ATF6: variants seen among roughly 807,000 people sequenced by gnomAD.
The protein encoded by ATF6 is activating transcription factor 6.
Under a neutral mutation model 83.6 loss-of-function variants are expected in ATF6, and 53 were observed. That is an observed-to-expected ratio of 0.63 (90% confidence interval 0.51 to 0.80). The LOEUF (loss-of-function observed/expected upper bound fraction) is 0.80. Ranked by LOEUF, ATF6 falls within the 30% of genes least tolerant of loss-of-function variation. ATF6 has a pLI of 0.00. For synonymous variants in ATF6, 288 were observed against 285.8 expected (o/e 1.01, Z -0.08); for missense variants, 744 against 797.9 (o/e 0.93, Z 0.81).
intron 15 of ATF6, among the ~76,000 whole-genome samples, chr1:161,948,880 T>C (rs577092087): frequency 1.3e-5 from 2 of 152,346 alleles, no homozygotes; most frequent in South Asian, 4.1e-4. Context: ...ATGTCTAGGC[T>C]TTGCTGAACA....
chr1:161,866,436 A>G (rs1687001862), intron 14 of ATF6, among the ~76,000 whole-genome samples: 5 of 152,224 alleles, frequency 3.3e-5, no homozygotes, highest in Non-Finnish European at 7.3e-5. Flanking sequence ...TAGCTCAGCA[A>G]GAAAAAATGC....
At chr1:161,824,008 G>A (rs75840290) in intron 9 of ATF6, among the ~76,000 whole-genome samples, 1,980 of 152,260 alleles carry the variant, frequency 0.013, 47 homozygotes, top group African/African-American at 0.044. Flanking sequence ...TAGAGGTTAC[G>A]ATTATCTGAA....
At chr1:161,856,711 G>A (rs1686772262) in intron 12 of ATF6, among the ~76,000 whole-genome samples, 1 of 148,080 alleles carries the variant, frequency 6.8e-6, no homozygotes. Flanking sequence ...TAAAATTCTT[G>A]CCCTAAATGC....
intron 14 of ATF6, among the ~76,000 whole-genome samples, chr1:161,890,360 C>T (rs1166588212): frequency 6.6e-6 from 1 of 152,214 alleles, no homozygotes; most frequent in East Asian, 1.9e-4. Context: ...GGGTTAGGTC[C>T]AGGTTACCTG....
At position 161,961,944 on chromosome 1, in the gene ATF6, C is replaced by T. The variant is rs888942942; in HGVS notation, c.*3290C>T. On this transcript the variant is annotated 3_prime_UTR_variant, in exon 16 of 16. Transcript: ENST00000367942. Reference sequence around the variant, plus strand: ...GCCCAGCAGTACAGGGACACAGCTTCATTAGAGTGTTAGTGTAAACTAACT... The same window carrying T: ...GCCCAGCAGTACAGGGACACAGCTTTATTAGAGTGTTAGTGTAAACTAACT... The T allele has an allele frequency of 1.3e-5, 2 of 152,168 alleles. No individual in the cohort carries two copies. The highest frequency in any genetic ancestry group is 6.5e-5 in the Admixed American group (1 of 15,274). 9.4% of individuals were successfully genotyped at this position (152,168 alleles called of 1,614,324 possible). A position where few individuals can be genotyped will look rare whatever the true frequency, so the allele number is the denominator to read the frequency against.
At chr1:161,884,391 T>A (rs1687378499) in intron 14 of ATF6, among the ~76,000 whole-genome samples, 1 of 152,088 alleles carries the variant, frequency 6.6e-6, no homozygotes, top group Non-Finnish European at 1.5e-5. Context: ...AAAGAAAACA[T>A]AAATGTGAAA....
At chr1:161,859,159 G>A (rs1571195725) in intron 12 of ATF6, among the ~76,000 whole-genome samples, 1 of 151,792 alleles carries the variant, frequency 6.6e-6, no homozygotes, top group Non-Finnish European at 1.5e-5. Flanking sequence ...AGCATTTATT[G>A]AACACCTACA....
chr1:161,886,213 A>G (rs1421734437), intron 14 of ATF6, among the ~76,000 whole-genome samples: 2 of 152,202 alleles, frequency 1.3e-5, no homozygotes, highest in African/African-American at 4.8e-5. Flanking sequence ...GTTCTAGGAA[A>G]TAAAAGATGG....
intron 15 of ATF6, among the ~76,000 whole-genome samples, chr1:161,916,911 A>G (rs1190580258): frequency 6.6e-6 from 1 of 152,132 alleles, no homozygotes; most frequent in Non-Finnish European, 1.5e-5. Context: ...CCCCTCCTGT[A>G]CATTTTTGAC....
intron 13 of ATF6, among the ~76,000 whole-genome samples, chr1:161,862,118 C>A (rs2101837844): frequency 6.6e-6 from 1 of 152,236 alleles, no homozygotes; most frequent in East Asian, 1.9e-4. Context: ...GTATTTCCCC[C>A]AGGAGGATGG....
At chr1:161,848,343 G>A (rs1417536557) in intron 10 of ATF6, among the ~76,000 whole-genome samples, 2 of 151,844 alleles carry the variant, frequency 1.3e-5, no homozygotes, top group Middle Eastern at 3.4e-3. Flanking sequence ...AATTTTAGAT[G>A]TTTTATCTAT....
Position 161,957,643 on chromosome 1 carries a change from G to A in ATF6, c.1805-803G>A, listed in dbSNP as rs866483716. 2.0e-5 allele frequency among the ~76,000 whole-genome samples: 3 copies of A among 152,096 alleles called. No homozygotes were observed. In the South Asian group the frequency reaches 6.2e-4, roughly 32 times the overall value. ...CTGTGTATTTTAAACTCATGATAAT[G>A]AGTTGCCCCATATGTAGAAAGCATG... On this transcript the variant is annotated intron_variant, in intron 15 of 15. Coordinates refer to ENST00000367942, the MANE Select transcript of ATF6 (RefSeq NM_007348.4).
At chr1:161,919,164 G>A (rs1035068203) in intron 15 of ATF6, among the ~76,000 whole-genome samples, 16 of 152,134 alleles carry the variant, frequency 1.1e-4, no homozygotes, top group African/African-American at 3.6e-4. Flanking sequence ...TCATAAGAGA[G>A]TTGAAAACAG....
At chr1:161,922,868 G>A (rs1239971707) in intron 15 of ATF6, among the ~76,000 whole-genome samples, 2 of 152,064 alleles carry the variant, frequency 1.3e-5, no homozygotes, top group Non-Finnish European at 2.9e-5. Context: ...TGTAGGCCAC[G>A]GTGAAGAGTT....
intron 3 of ATF6, 58 bp from the exon 4 acceptor site, chr1:161,783,932 C>T: frequency 8.2e-7 from 1 of 1,216,750 alleles, no homozygotes; most frequent in East Asian, 2.4e-5. Flanking sequence ...CTTTCTTGTT[C>T]ATTTTATTAT....
At chr1:161,894,231 T>G (rs1356049494) in intron 14 of ATF6, among the ~76,000 whole-genome samples, 4 of 147,168 alleles carry the variant, frequency 2.7e-5, no homozygotes, top group Non-Finnish European at 5.9e-5. Context: ...GCAGGTGTTT[T>G]TTTTTTTTTT....
At chr1:161,797,932 A>G (rs1172188937) in intron 6 of ATF6, among the ~76,000 whole-genome samples, 1 of 152,222 alleles carries the variant, frequency 6.6e-6, no homozygotes, top group Non-Finnish European at 1.5e-5. Flanking sequence ...CTACAAGACT[A>G]CAGTAACCAA....
intron 15 of ATF6, among the ~76,000 whole-genome samples, chr1:161,924,287 G>T (rs1357278785): frequency 6.6e-6 from 1 of 152,096 alleles, no homozygotes; most frequent in Non-Finnish European, 1.5e-5. Context: ...GCTGAGGATG[G>T]CCAGTGTCAT....
At chr1:161,957,145 T>G (rs1344452064) in intron 15 of ATF6, among the ~76,000 whole-genome samples, 1 of 151,098 alleles carries the variant, frequency 6.6e-6, no homozygotes, top group African/African-American at 2.4e-5. Flanking sequence ...TCCAGATTTG[T>G]AATGCTTGGC....
Sources: allele counts gnomAD v4.1 joint callset (sites outside exome capture counted in the v4.1 genomes callset), GRCh38; gene constraint gnomAD v4.1.1; transcripts MANE v1.5; gene names NCBI Gene and HGNC (gene_info 2026-07-23, HGNC 2026-07-21).